Variants in PTPRT observed in about 807,000 individuals in gnomAD.
PTPRT encodes protein tyrosine phosphatase receptor type T.
Under a neutral mutation model 176.8 loss-of-function variants are expected in PTPRT, and 56 were observed. The ratio of observed to expected loss-of-function variants is 0.32; its 90% CI spans 0.26 to 0.40. The LOEUF is 0.40. Among genes scored for constraint, PTPRT ranks in the 10% least tolerant of loss-of-function variants. PTPRT has a pLI of 1.00. For missense variants in PTPRT, 1,540 were observed against 1,908.2 expected (o/e 0.81, Z 3.60); for synonymous variants, 783 against 739.0 (o/e 1.06, Z -0.96).
chr20:42,467,278 G>A (rs6072752), intron 8 of PTPRT, among the ~76,000 whole-genome samples: 1 of 152,142 alleles, frequency 6.6e-6, no homozygotes, highest in Non-Finnish European at 1.5e-5. Flanking sequence ...TTCACTCCAA[G>A]GATACTTTAC....
intron 5 of PTPRT, among the ~76,000 whole-genome samples, chr20:42,761,888 C>T (rs1245787568): frequency 6.6e-6 from 1 of 152,216 alleles, no homozygotes; most frequent in Non-Finnish European, 1.5e-5. Context: ...ACATTAATCA[C>T]ATCACCCATC....
chr20:42,403,200 C>T (rs1398177697), intron 9 of PTPRT, among the ~76,000 whole-genome samples: 7 of 151,934 alleles, frequency 4.6e-5, no homozygotes, highest in African/African-American at 1.5e-4. Flanking sequence ...TATATTATTT[C>T]GTAAACTTGC....
chr20:42,091,863 A>T (rs8116331), intron 27 of PTPRT, among the ~76,000 whole-genome samples: 1 of 152,168 alleles, frequency 6.6e-6, no homozygotes, highest in Non-Finnish European at 1.5e-5. Context: ...CAGTAGTCCC[A>T]TGAAGCTCCA....
chr20:42,992,937 A>G (rs1208690572), intron 1 of PTPRT, among the ~76,000 whole-genome samples: 1 of 152,184 alleles, frequency 6.6e-6, no homozygotes, highest in Non-Finnish European at 1.5e-5. Flanking sequence ...ATGGTGACAC[A>G]GAACTCCAAA....
intron 1 of PTPRT, among the ~76,000 whole-genome samples, chr20:43,130,945 A>G (rs905541141): frequency 1.3e-5 from 2 of 152,246 alleles, no homozygotes; most frequent in Non-Finnish European, 2.9e-5. Context: ...ACTGGTGCAG[A>G]GACAGCTGGC....
At chr20:42,450,505 T>C (rs950773836) in intron 8 of PTPRT, among the ~76,000 whole-genome samples, 1 of 152,222 alleles carries the variant, frequency 6.6e-6, no homozygotes, top group African/African-American at 2.4e-5. Context: ...AAATTATCTA[T>C]ACCTTGTGCT....
intron 6 of PTPRT, among the ~76,000 whole-genome samples, chr20:42,742,065 G>A (rs180935066): frequency 2.0e-5 from 3 of 152,316 alleles, no homozygotes; most frequent in Admixed American, 1.3e-4. Flanking sequence ...TAGAAGAAAA[G>A]CCACAGAGAT....
chr20:42,291,544 A>C (rs2057316821), intron 12 of PTPRT, among the ~76,000 whole-genome samples: 2 of 152,184 alleles, frequency 1.3e-5, no homozygotes, highest in African/African-American at 4.8e-5. Context: ...GAGAAGTGCC[A>C]GGTGCTGTGC....
intron 1 of PTPRT, among the ~76,000 whole-genome samples, chr20:43,006,315 G>C (rs1334346438): frequency 6.6e-6 from 1 of 152,148 alleles, no homozygotes; most frequent in Non-Finnish European, 1.5e-5. Flanking sequence ...ATTTTAAATT[G>C]TGTGAGATAC....
intron 7 of PTPRT, among the ~76,000 whole-genome samples, chr20:42,627,400 G>C: frequency 6.6e-6 from 1 of 151,924 alleles, no homozygotes; most frequent in Non-Finnish European, 1.5e-5. Flanking sequence ...TGCCCATGTA[G>C]CTGGGACTAC....
intron 1 of PTPRT, among the ~76,000 whole-genome samples, chr20:42,952,547 T>C (rs935619251): frequency 1.3e-5 from 2 of 152,200 alleles, no homozygotes; most frequent in Non-Finnish European, 2.9e-5. Context: ...TCAGTTTCCT[T>C]ATCTGTCAAA....
intron 1 of PTPRT, among the ~76,000 whole-genome samples, chr20:42,987,634 C>T (rs959794212): frequency 1.3e-5 from 2 of 151,852 alleles, no homozygotes; most frequent in African/African-American, 2.4e-5. Context: ...CCCGCCCACA[C>T]TCCGCCCACC....
intron 7 of PTPRT, among the ~76,000 whole-genome samples, chr20:42,596,119 T>G (rs2073666720): frequency 1.3e-5 from 2 of 152,140 alleles, no homozygotes; most frequent in Non-Finnish European, 2.9e-5. Flanking sequence ...ACAGACTTCT[T>G]GGTCTCAGGG....
chr20:42,912,082 GCA>G (rs1346511652), intron 1 of PTPRT, among the ~76,000 whole-genome samples: 3 of 148,620 alleles, frequency 2.0e-5, no homozygotes, highest in African/African-American at 7.4e-5. Context: ...TCTAAAAGCT[GCA>G]CTTCTAAGGT....
chr20:42,267,458 C>A (rs1173885173), intron 13 of PTPRT, among the ~76,000 whole-genome samples: 1 of 152,184 alleles, frequency 6.6e-6, no homozygotes, highest in African/African-American at 2.4e-5. Flanking sequence ...TCACCTGTTT[C>A]TTTTTACTTT....
intron 1 of PTPRT, among the ~76,000 whole-genome samples, chr20:43,106,117 G>A (rs968384677): frequency 1.3e-5 from 2 of 152,084 alleles, no homozygotes; most frequent in Non-Finnish European, 2.9e-5. Flanking sequence ...CAGCAGACTG[G>A]TGCAGTAGGA....
At chr20:42,071,893 A>G (rs1982355992), downstream of PTPRT, among the ~76,000 whole-genome samples, 1 of 151,964 alleles carries the variant, frequency 6.6e-6, no homozygotes, top group African/African-American at 2.4e-5. Flanking sequence ...TCCTGGGCCT[A>G]AGTGATCTCC....
In PTPRT at chr20:42,085,839, G is replaced by A. The variant is rs2016647; in HGVS notation, c.3861C>T (p.Tyr1287=). 0.22 allele frequency: 361,470 copies of A among 1,609,210 alleles called. 42,804 individuals carry two copies. The highest frequency in any genetic ancestry group is 0.26 in the Middle Eastern group (1,593 of 6,048). Residue 1287 remains tyrosine (Y), a synonymous_variant, in exon 28 of 31, where the codon TAC becomes TAT. Transcript: ENST00000373187. ...AGCACCCGGAGGTCTTCTCAGGCCA[G>A]TACTGCATACAGAACTGAGATAAGG... is the stretch of plus-strand genomic sequence containing the variant. ...EMDTAQFCMQ[Y]WPEKTSGCYG... is the part of the protein sequence containing the mutation.
In PTPRT at chr20:42,678,134, T is replaced by G; in HGVS notation, c.885A>C (p.Pro295=). 1 of 1,613,808 alleles carries G rather than the reference T, an allele frequency of 6.2e-7. No homozygotes were observed. The highest frequency in any genetic ancestry group is 8.5e-7 in the Non-Finnish European group (1 of 1,179,806). The change falls in exon 7 of 31, where the codon CCA becomes CCC. Residue 295 remains proline (P), a synonymous_variant. Coordinates refer to ENST00000373187, the MANE Select transcript of PTPRT (RefSeq NM_007050.6). ...VKEPPTPIAP[P]ELLAVGATYL... is the part of the protein sequence containing the mutation. The stretch of plus-strand genomic sequence containing the variant: ...ATGTGGCCCCCACAGCCAGCAGCTC[T>G]GGGGGAGCAATGGGCGTGGGAGGCT...
Sources: allele counts gnomAD v4.1 joint callset (sites outside exome capture counted in the v4.1 genomes callset), GRCh38; gene constraint gnomAD v4.1.1; transcripts MANE v1.5; gene names NCBI Gene and HGNC (gene_info 2026-07-23, HGNC 2026-07-21).